Variants in MYT1L observed in about 807,000 individuals in gnomAD.
MYT1L encodes myelin transcription factor 1-like protein.
MYT1L carries 12 observed loss-of-function variants against 126.7 expected under a neutral mutation model. That is an observed-to-expected ratio of 0.09 (90% CI 0.06 to 0.15). The LOEUF is 0.15. Among genes scored for constraint, MYT1L ranks in the 10% least tolerant of loss-of-function variants. MYT1L has a pLI of 1.00. For missense variants in MYT1L, 979 were observed against 1,585.2 expected (o/e 0.62, Z 6.49); for synonymous variants, 541 against 604.2 (o/e 0.90, Z 1.53).
rs181387869 is a variant in MYT1L at position 2,056,467 on chromosome 2, T to C, written c.-303-2344A>G. Among the ~76,000 whole-genome samples, 276 of 152,370 alleles carry C rather than the reference T, an allele frequency of 1.8e-3. 1 individual carries two copies. The highest frequency in any genetic ancestry group is 2.7e-3 in the Non-Finnish European group (183 of 68,030). On this transcript the variant is annotated intron_variant, in intron 3 of 24. Coordinates refer to ENST00000647738, the MANE Select transcript of MYT1L (RefSeq NM_001303052.2). Reference sequence around the variant, plus strand: ...AATGCCCTTGCAGGGTATATGATGCTGCTGCTTACTAAATGTGTGTGCACA... The same window carrying C: ...AATGCCCTTGCAGGGTATATGATGCCGCTGCTTACTAAATGTGTGTGCACA...
chr2:2,176,091 C>T lies in MYT1L; in HGVS notation c.-420-3103G>A, dbSNP rs144470547. 1.8e-3 allele frequency among the ~76,000 whole-genome samples: 271 copies of T among 152,280 alleles called. 1 individual carries two copies. Among genetic ancestry groups the T allele is most frequent in the African/African-American group, 5.8e-3 (239 of 41,556 alleles). Reference sequence around the variant, plus strand: ...CATTAGGCTGTGCTCATGAGACAGTCACTCAGCTTCTAGTTGGAGATGAGA... The same window carrying T: ...CATTAGGCTGTGCTCATGAGACAGTTACTCAGCTTCTAGTTGGAGATGAGA... On this transcript the variant is annotated intron_variant, in intron 2 of 24. Transcript: ENST00000647738.
At chr2:1,924,132 G>A (rs2053923372) in intron 9 of MYT1L, among the ~76,000 whole-genome samples, 1 of 152,166 alleles carries the variant, frequency 6.6e-6, no homozygotes, top group African/African-American at 2.4e-5. Context: ...GGTATAATGT[G>A]TGAGTAAGTG....
intron 8 of MYT1L, among the ~76,000 whole-genome samples, chr2:1,969,739 G>C (rs1320798370): frequency 6.6e-6 from 1 of 152,186 alleles, no homozygotes; most frequent in Non-Finnish European, 1.5e-5. Flanking sequence ...CCTTCCTGCA[G>C]CCCTCTCTGG....
chr2:2,151,804 C>T (rs1292610026), intron 3 of MYT1L, among the ~76,000 whole-genome samples: 5 of 152,128 alleles, frequency 3.3e-5, no homozygotes, highest in Admixed American at 6.5e-5. Flanking sequence ...GCCTGTAATC[C>T]CAGCACTTTG....
chr2:1,978,495 T>C (rs1189597460), intron 8 of MYT1L, among the ~76,000 whole-genome samples: 2 of 152,192 alleles, frequency 1.3e-5, no homozygotes, highest in East Asian at 3.9e-4. Flanking sequence ...GCCACGGGCA[T>C]GTAACATATA....
chr2:1,797,230 G>C (rs1186456900), intron 23 of MYT1L, among the ~76,000 whole-genome samples: 1 of 152,146 alleles, frequency 6.6e-6, no homozygotes, highest in African/African-American at 2.4e-5. Context: ...CTGCATTAGA[G>C]ACTGGGAAGG....
At chr2:2,261,879 A>C (rs571535085) in intron 2 of MYT1L, among the ~76,000 whole-genome samples, 1 of 152,372 alleles carries the variant, frequency 6.6e-6, no homozygotes, top group South Asian at 2.1e-4. Context: ...ATTTCTTAAA[A>C]GAATAAAAAT....
chr2:2,079,102 C>T (rs1173060040), intron 3 of MYT1L, among the ~76,000 whole-genome samples: 1 of 152,134 alleles, frequency 6.6e-6, no homozygotes, highest in Non-Finnish European at 1.5e-5. Context: ...TCTTGGACTT[C>T]CCAGGCTCCA....
chr2:1,899,800 G>A (rs2050096557), intron 14 of MYT1L, among the ~76,000 whole-genome samples: 1 of 152,214 alleles, frequency 6.6e-6, no homozygotes, highest in Non-Finnish European at 1.5e-5. Context: ...ACTATCTTGT[G>A]TATCCTGAGG....
intron 2 of MYT1L, among the ~76,000 whole-genome samples, chr2:2,254,166 G>A (rs1328696152): frequency 6.6e-6 from 1 of 152,148 alleles, no homozygotes; most frequent in Admixed American, 6.5e-5. Flanking sequence ...CAACATATAA[G>A]GTTTTGCATA....
intron 5 of MYT1L, among the ~76,000 whole-genome samples, chr2:1,985,151 G>A (rs2060914144): frequency 6.6e-6 from 1 of 152,212 alleles, no homozygotes; most frequent in Admixed American, 6.5e-5. Context: ...TAACCAGGAA[G>A]CAATTTCCAT....
chr2:2,321,835 T>C (rs2096172716), intron 1 of MYT1L, among the ~76,000 whole-genome samples: 1 of 152,156 alleles, frequency 6.6e-6, no homozygotes, highest in Non-Finnish European at 1.5e-5. Context: ...TTTAAAGAAA[T>C]TGGAGTGTTC....
At chr2:1,923,637 T>A (rs1434577405) in intron 9 of MYT1L, among the ~76,000 whole-genome samples, 2 of 152,260 alleles carry the variant, frequency 1.3e-5, no homozygotes, top group Non-Finnish European at 2.9e-5. Context: ...GTATTAACTG[T>A]GCTCCTCACA....
At chr2:2,118,321 A>C (rs189619468) in intron 3 of MYT1L, among the ~76,000 whole-genome samples, 41 of 152,286 alleles carry the variant, frequency 2.7e-4, no homozygotes, top group African/African-American at 9.1e-4. Flanking sequence ...GAAGTATATT[A>C]ATCAATAAAA....
chr2:2,055,178 GTATTAAGACTACAAAATGTGTAGAAACA>G (rs1347605097), intron 3 of MYT1L, among the ~76,000 whole-genome samples: 1 of 151,984 alleles, frequency 6.6e-6, no homozygotes, highest in Non-Finnish European at 1.5e-5. Context: ...AGTCTACAAA[GTATTAAGACTACAAAATGTGTAGAAACA>G]AATTACAGAA....
At chr2:1,857,920 T>A (rs1201392107) in intron 18 of MYT1L, among the ~76,000 whole-genome samples, 1 of 151,998 alleles carries the variant, frequency 6.6e-6, no homozygotes, top group East Asian at 1.9e-4. Flanking sequence ...TGGAGTACAG[T>A]GGTGCAATCT....
At chr2:1,813,454 G>T (rs1008076121) in intron 21 of MYT1L, among the ~76,000 whole-genome samples, 3 of 152,182 alleles carry the variant, frequency 2.0e-5, no homozygotes, top group African/African-American at 7.2e-5. Flanking sequence ...AGCTGCCGAT[G>T]CTGGAATATT....
chr2:1,843,112 T>C (rs1447828771), intron 19 of MYT1L, among the ~76,000 whole-genome samples: 2 of 152,230 alleles, frequency 1.3e-5, no homozygotes. Context: ...CCTGCAACCC[T>C]TGCCGCCATC....
intron 9 of MYT1L, among the ~76,000 whole-genome samples, chr2:1,930,774 T>C (rs2054856166): frequency 6.6e-6 from 1 of 152,230 alleles, no homozygotes; most frequent in Non-Finnish European, 1.5e-5. Flanking sequence ...TTGACTGGCA[T>C]GTTTTTAAAC....
Sources: gnomAD v4.1 joint callset for allele counts (sites outside exome capture counted in the v4.1 genomes callset) on GRCh38, gnomAD v4.1.1 for gene constraint, MANE v1.5 for transcripts, NCBI Gene and HGNC (gene_info 2026-07-23, HGNC 2026-07-21) for gene names.